Variants in RGS7 observed in about 807,000 individuals in gnomAD.
RGS7 encodes the protein regulator of G protein signaling 7, also known as regulator of G-protein signaling 7.
Under a neutral mutation model 81.1 loss-of-function variants are expected in RGS7, and 27 were observed. The ratio of observed to expected loss-of-function variants is 0.33; its 90% CI spans 0.25 to 0.46. RGS7 has a LOEUF of 0.46. RGS7 is among the 20% of genes least tolerant of loss of function. The pLI is 1.00. For missense variants in RGS7, 396 were observed against 607.4 expected (o/e 0.65, Z 3.66); for synonymous variants, 208 against 207.7 (o/e 1.00, Z -0.01).
intron 2 of RGS7, among the ~76,000 whole-genome samples, chr1:241,226,074 G>A (rs4659593): frequency 0.12 from 18,728 of 152,156 alleles, 1,673 homozygotes; most frequent in East Asian, 0.39. Context: ...TAGCTAGATC[G>A]TAAACCAAGA....
chr1:240,972,093 C>A (rs915728304), intron 4 of RGS7, among the ~76,000 whole-genome samples: 1 of 152,110 alleles, frequency 6.6e-6, no homozygotes, highest in Non-Finnish European at 1.5e-5. Context: ...GTAAATATAA[C>A]ATCAAATCCA....
intron 3 of RGS7, among the ~76,000 whole-genome samples, chr1:241,047,858 G>GC (rs2061023645): frequency 6.8e-6 from 1 of 147,544 alleles, no homozygotes; most frequent in African/African-American, 2.5e-5. Context: ...TCCTGTCTCA[G>GC]CCCCCCTAGT....
At chr1:240,831,080 T>C (rs906219079) in intron 9 of RGS7, among the ~76,000 whole-genome samples, 1 of 152,216 alleles carries the variant, frequency 6.6e-6, no homozygotes, top group Non-Finnish European at 1.5e-5. Flanking sequence ...AGATATGTTT[T>C]ATAACCCGGC....
At chr1:241,350,628 C>T (rs2083176411) in intron 2 of RGS7, among the ~76,000 whole-genome samples, 1 of 150,960 alleles carries the variant, frequency 6.6e-6, no homozygotes, top group Admixed American at 6.6e-5. Context: ...TAAAGATCAA[C>T]TGGGCACGGT....
chr1:241,021,720 GA>G (rs1458861909), intron 3 of RGS7, among the ~76,000 whole-genome samples: 15 of 152,108 alleles, frequency 9.9e-5, no homozygotes, highest in Non-Finnish European at 1.6e-4. Flanking sequence ...AAATCTATGT[GA>G]AAACATTCCT....
Position 241,100,663 on chromosome 1 carries a change from C to T in RGS7, c.79-1901G>A, listed in dbSNP as rs148277991. Among the ~76,000 whole-genome samples, 194 of 152,226 alleles carry T rather than the reference C, an allele frequency of 1.3e-3. 1 individual carries two copies. The highest frequency in any genetic ancestry group is 4.4e-3 in the African/African-American group (181 of 41,524). ...GATCCATAAAATGGTGATAATAATA[C>T]TTGTAATAATTTCTTCATAGCGTTC... On this transcript the variant is annotated intron_variant, in intron 2 of 18. Coordinates refer to ENST00000440928, the MANE Select transcript of RGS7 (RefSeq NM_001364886.1).
chr1:241,010,093 T>C (rs925109848), intron 3 of RGS7, among the ~76,000 whole-genome samples: 3 of 152,156 alleles, frequency 2.0e-5, no homozygotes, highest in Non-Finnish European at 4.4e-5. Context: ...AAATGACTAG[T>C]TGACGGGTGC....
chr1:241,031,086 C>T (rs1036888069), intron 3 of RGS7, among the ~76,000 whole-genome samples: 1 of 152,140 alleles, frequency 6.6e-6, no homozygotes, highest in African/African-American at 2.4e-5. Context: ...GTACATTGTA[C>T]TCATTAAGTA....
chr1:241,143,538 C>T (rs955540704), intron 2 of RGS7, among the ~76,000 whole-genome samples: 1 of 152,076 alleles, frequency 6.6e-6, no homozygotes, highest in African/African-American at 2.4e-5. Context: ...TGAGACTCAT[C>T]CACTATCACA....
intron 3 of RGS7, among the ~76,000 whole-genome samples, chr1:241,096,111 G>C (rs974847179): frequency 1.3e-5 from 2 of 152,124 alleles, no homozygotes; most frequent in African/African-American, 4.8e-5. Flanking sequence ...CATCACAATG[G>C]TTTCTGGTTC....
At chr1:241,055,220 C>T (rs894156073) in intron 3 of RGS7, among the ~76,000 whole-genome samples, 15 of 152,138 alleles carry the variant, frequency 9.9e-5, no homozygotes, top group African/African-American at 3.4e-4. Context: ...ACTATCTACC[C>T]GGTGGTAGCC....
chr1:240,944,409 T>C (rs1255811460), intron 4 of RGS7, among the ~76,000 whole-genome samples: 1 of 148,386 alleles, frequency 6.7e-6, no homozygotes, highest in African/African-American at 2.5e-5. Context: ...GAGGAAACCA[T>C]CACAATGGCA....
chr1:241,089,872 T>C (rs7527416), intron 3 of RGS7, among the ~76,000 whole-genome samples: 36,500 of 151,336 alleles, frequency 0.24, 5,902 homozygotes, highest in African/African-American at 0.46. Context: ...CGGGCGCCTG[T>C]AGTCCCAGCT....
At chr1:241,326,321 A>G (rs534378887) in intron 2 of RGS7, among the ~76,000 whole-genome samples, 1 of 152,188 alleles carries the variant, frequency 6.6e-6, no homozygotes, top group Non-Finnish European at 1.5e-5. Context: ...TCCAGAAAGA[A>G]TTGGATAAAC....
intron 4 of RGS7, among the ~76,000 whole-genome samples, chr1:240,956,548 T>A (rs1034817236): frequency 6.6e-6 from 1 of 152,136 alleles, no homozygotes; most frequent in African/African-American, 2.4e-5. Context: ...GGGCCACATT[T>A]AGTACATTTA....
At position 240,840,498 on chromosome 1, in the gene RGS7, C is replaced by T. The variant is rs548210683; in HGVS notation, c.610-13326G>A. Among the ~76,000 whole-genome samples the T allele has an allele frequency of 1.8e-4, 27 of 152,342 alleles. No homozygotes were observed. In the South Asian group the frequency reaches 5.0e-3, roughly 28 times the overall value. ...CCATGTTGGCCAGGCTGGTCTTGAA[C>T]TCCTGACCTCATCATCCACCCACCT... On this transcript the variant is annotated intron_variant, in intron 9 of 18. Transcript: ENST00000440928.
At chr1:241,086,870 G>A (rs1572623477) in intron 3 of RGS7, among the ~76,000 whole-genome samples, 1 of 152,146 alleles carries the variant, frequency 6.6e-6, no homozygotes, top group East Asian at 1.9e-4. Context: ...TCGAGCTGTT[G>A]CACAGGCGCT....
intron 10 of RGS7, among the ~76,000 whole-genome samples, chr1:240,818,859 A>G (rs73117843): frequency 0.016 from 2,505 of 152,276 alleles, 66 homozygotes; most frequent in African/African-American, 0.057. Flanking sequence ...CTGGTGTTCT[A>G]TTGGACAGCA....
At chr1:241,029,457 T>A (rs1044629827) in intron 3 of RGS7, among the ~76,000 whole-genome samples, 2 of 152,224 alleles carry the variant, frequency 1.3e-5, no homozygotes, top group Non-Finnish European at 2.9e-5. Context: ...GTCAAACATT[T>A]TGGAAATGAG....
Sources: allele counts gnomAD v4.1 joint callset (sites outside exome capture counted in the v4.1 genomes callset), GRCh38; gene constraint gnomAD v4.1.1; transcripts MANE v1.5; gene names NCBI Gene and HGNC (gene_info 2026-07-23, HGNC 2026-07-21).